BLM: variants seen among roughly 807,000 people sequenced by gnomAD.
BLM encodes BLM RecQ like helicase.
In BLM, 95 loss-of-function variants were observed where a neutral mutation model predicts 135.3. That is an observed-to-expected ratio of 0.70 (90% confidence interval 0.59 to 0.83). The LOEUF is 0.83. Among genes scored for constraint, BLM ranks in the 40% least tolerant of loss-of-function variants. The pLI is 0.00. For missense variants in BLM, 1,518 were observed against 1,663.9 expected, an observed-to-expected ratio of 0.91 and a Z score of 1.53; for synonymous variants, 520 against 589.2, an observed-to-expected ratio of 0.88 and a Z score of 1.70.
intron 19 of BLM, among the ~76,000 whole-genome samples, chr15:90,805,446 G>C (rs1389972617): frequency 6.6e-6 from 1 of 151,698 alleles, no homozygotes; most frequent in Non-Finnish European, 1.5e-5. Context: ...AACACTATAA[G>C]GCAGGCAAAT....
intron 5 of BLM, 186 bp from the exon 6 acceptor site, chr15:90,759,956 CTTTTT>C: frequency 4.6e-5 from 14 of 305,236 alleles, no homozygotes; most frequent in East Asian, 6.6e-5. Context: ...GATCTTAAGA[CTTTTT>C]TTTTTTTTTT....
chr15:90,730,446 T>G lies in BLM; in HGVS notation c.-5+13006T>G, dbSNP rs188105034. Among the ~76,000 whole-genome samples, 128 of 151,204 alleles carry G rather than the reference T, an allele frequency of 8.5e-4. 1 individual carries two copies. The highest frequency in any genetic ancestry group is 2.5e-3 in the African/African-American group (101 of 41,190). The stretch of plus-strand genomic sequence containing the variant: ...CTATTCCTGTTTGATAAGAGTTGTG[T>G]TTTTTTTTGTTGTTTATTTTTGAGG... On this transcript the variant is annotated intron_variant, in intron 1 of 21. Coordinates refer to ENST00000355112, the MANE Select transcript of BLM (RefSeq NM_000057.4).
intron 16 of BLM, among the ~76,000 whole-genome samples, chr15:90,796,767 T>C (rs942640511): frequency 1.3e-5 from 2 of 152,164 alleles, no homozygotes; most frequent in African/African-American, 2.4e-5. Flanking sequence ...GGATCCATTA[T>C]GTTTTGCCAG....
At chr15:90,801,603 G>A (rs963211393) in intron 17 of BLM, among the ~76,000 whole-genome samples, 4 of 152,104 alleles carry the variant, frequency 2.6e-5, no homozygotes, top group Non-Finnish European at 5.9e-5. Context: ...TAATAAAGGG[G>A]CAAGGACAAT....
Position 90,785,090 on chromosome 15 carries a change from T to C in BLM, c.2823+9T>C. On this transcript the variant is annotated intron_variant, in intron 14 of 21. Coordinates refer to ENST00000355112, the MANE Select transcript of BLM (RefSeq NM_000057.4). ...ATCAGGATGGCTGTCAGGTAACATT[T>C]TTAAAGATAAACAAATAATAGAAAT... 1 of 1,613,336 alleles carries C rather than the reference T, an allele frequency of 6.2e-7. No individual in the cohort carries two copies. The highest frequency in any genetic ancestry group is 8.5e-7 in the Non-Finnish European group (1 of 1,179,484).
rs12594305 is a variant in BLM, at chr15:90,777,550, T to A, written c.2556-5272T>A. ...CTGAGCTCTAATTGACTTTGTTTCC[T>A]CACACAACACTTTGAAAAGACATGA... On this transcript the variant is annotated intron_variant, in intron 12 of 21. Transcript: ENST00000355112. 8.1e-3 allele frequency among the ~76,000 whole-genome samples: 1,216 copies of A among 150,554 alleles called. 44 individuals carry two copies. The highest frequency in any genetic ancestry group is 0.075 in the East Asian group (384 of 5,116).
chr15:90,807,677 G>A (rs1399321965), intron 19 of BLM, among the ~76,000 whole-genome samples: 5 of 152,154 alleles, frequency 3.3e-5, no homozygotes, highest in South Asian at 4.1e-4. Context: ...TGGGATTACA[G>A]GCATGAGCTA....
chr15:90,748,842 C>G (rs934896940), intron 2 of BLM, among the ~76,000 whole-genome samples: 2 of 151,764 alleles, frequency 1.3e-5, no homozygotes, highest in African/African-American at 4.8e-5. Context: ...ACTGTAACCT[C>G]CACCTCCTGG....
intron 3 of BLM, among the ~76,000 whole-genome samples, chr15:90,750,448 G>A (rs994972835): frequency 4.6e-5 from 7 of 152,116 alleles, no homozygotes; most frequent in African/African-American, 1.2e-4. Context: ...GCAATACCGC[G>A]ACAGTCAATC....
chr15:90,720,339 T>C (rs1894732568), intron 1 of BLM, among the ~76,000 whole-genome samples: 1 of 152,220 alleles, frequency 6.6e-6, no homozygotes, highest in Admixed American at 6.5e-5. Context: ...ATATGGACTT[T>C]GTTCTCTGGA....
intron 3 of BLM, 83 bp from the exon 4 acceptor site, chr15:90,751,704 A>G: frequency 8.4e-7 from 1 of 1,187,928 alleles, no homozygotes; most frequent in East Asian, 2.4e-5. Flanking sequence ...TGCCAGAAGC[A>G]CTCATTCTTA....
intron 11 of BLM, 89 bp from the exon 12 acceptor site, chr15:90,769,349 A>G: frequency 6.4e-7 from 1 of 1,561,500 alleles, no homozygotes; most frequent in Non-Finnish European, 8.8e-7. Context: ...CTGAAGAATA[A>G]GGTAGTTCTT....
chr15:90,758,344 G>A (rs372669743), intron 5 of BLM, among the ~76,000 whole-genome samples: 3 of 152,120 alleles, frequency 2.0e-5, no homozygotes, highest in East Asian at 1.9e-4. Flanking sequence ...CAAAAAAGCC[G>A]AGCGTGGTAG....
chr15:90,734,943 T>C (rs558622108), intron 1 of BLM, among the ~76,000 whole-genome samples: 5 of 152,140 alleles, frequency 3.3e-5, no homozygotes, highest in Admixed American at 6.5e-5. Flanking sequence ...GATATGGTAG[T>C]GTGTCTGGAA....
chr15:90,721,405 T>C (rs1287292931), intron 1 of BLM, among the ~76,000 whole-genome samples: 1 of 152,060 alleles, frequency 6.6e-6, no homozygotes, highest in Non-Finnish European at 1.5e-5. Context: ...CAGCTCACTG[T>C]AACCTCCGTC....
intron 3 of BLM, among the ~76,000 whole-genome samples, chr15:90,751,012 G>A (rs1232739363): frequency 1.3e-5 from 2 of 152,144 alleles, no homozygotes; most frequent in African/African-American, 2.4e-5. Flanking sequence ...TTCCTTTATG[G>A]CTTGTTGCCA....
Position 90,749,467 on chromosome 15 carries a change from G to A in BLM, c.199G>A (p.Val67Ile), listed in dbSNP as rs991350762. The change falls in exon 3 of 22, where the codon GTT (valine) becomes ATT (isoleucine). Residue 67 changes from valine to isoleucine, a missense_variant. Val to Ile is a conservative substitution (Grantham distance 29). Transcript: ENST00000355112. ...TGTATTAAGAAATAAAGATGTTAAT[G>A]TTACCGAAGACTTTTCCTTCAGTGA... ...TPVLRNKDVN[V>I]TEDFSFSEPL... 1 of 1,613,092 alleles carries A rather than the reference G, an allele frequency of 6.2e-7. No individual in the cohort carries two copies. The highest frequency in any genetic ancestry group is 8.5e-7 in the Non-Finnish European group (1 of 1,179,056).
At chr15:90,809,942 T>C (rs969835790) in intron 20 of BLM, among the ~76,000 whole-genome samples, 21 of 152,148 alleles carry the variant, frequency 1.4e-4, no homozygotes, top group African/African-American at 4.3e-4. Context: ...CATCACCACG[T>C]AATAGGACAC....
Position 90,796,214 on chromosome 15 carries a change from T to C in BLM, c.3210+1857T>C, listed in dbSNP as rs146034155. ...GAGAAGATCAGGAGTTTGGTTTGGG[T>C]TACCTAAATTGGGAATCTAATATTG... On this transcript the variant is annotated intron_variant, in intron 16 of 21. Coordinates refer to ENST00000355112, the MANE Select transcript of BLM (RefSeq NM_000057.4). Among the ~76,000 whole-genome samples, 709 of 152,286 alleles carry C rather than the reference T, an allele frequency of 4.7e-3. 6 individuals carry two copies. The highest frequency in any genetic ancestry group is 0.016 in the African/African-American group (675 of 41,566).
Sources: gnomAD v4.1 joint callset for allele counts (sites outside exome capture counted in the v4.1 genomes callset) on GRCh38, gnomAD v4.1.1 for gene constraint, MANE v1.5 for transcripts, NCBI Gene and HGNC (gene_info 2026-07-23, HGNC 2026-07-21) for gene names.